Variants in CDK17 observed in about 807,000 individuals in gnomAD.
CDK17 encodes cyclin dependent kinase 17.
In CDK17, 24 loss-of-function variants were observed where a neutral mutation model predicts 77.6. That is an observed-to-expected ratio of 0.31 (90% CI 0.22 to 0.44). The LOEUF (loss-of-function observed/expected upper bound fraction) is 0.44. Among genes scored for constraint, CDK17 ranks in the 20% least tolerant of loss-of-function variants. The probability of loss-of-function intolerance (pLI) is 1.00; values close to 1 mark genes in which losing one functional copy is unlikely to be tolerated. For missense variants in CDK17, 429 were observed against 622.5 expected (o/e 0.69, Z 3.31); for synonymous variants, 203 against 210.4 (o/e 0.96, Z 0.30).
At chr12:96,322,659 T>C (rs967787626) in intron 3 of CDK17, among the ~76,000 whole-genome samples, 4 of 152,184 alleles carry the variant, frequency 2.6e-5, no homozygotes, top group African/African-American at 9.7e-5. Context: ...TACCATTATA[T>C]AGTGTTTTTG....
At chr12:96,326,451 G>A (rs980505197) in intron 2 of CDK17, among the ~76,000 whole-genome samples, 9 of 152,178 alleles carry the variant, frequency 5.9e-5, no homozygotes, top group Non-Finnish European at 8.8e-5. Context: ...ATTTTTAACA[G>A]AAATTTAAAT....
chr12:96,354,573 T>C (rs550588976), intron 1 of CDK17, among the ~76,000 whole-genome samples: 4 of 152,150 alleles, frequency 2.6e-5, no homozygotes, highest in Admixed American at 1.3e-4. Context: ...ATCTCTTTGC[T>C]TAGAATTTAA....
rs538030638 is a variant in CDK17, at chr12:96,286,156, A to T, written c.1217-8T>A. Reference sequence around the variant, plus strand: ...TTTCCTGAGATGGAGTTCCTGAATTAAAAAAAAAAATTAAATATATTTATA... The same window carrying T: ...TTTCCTGAGATGGAGTTCCTGAATTTAAAAAAAAAATTAAATATATTTATA... On this transcript the variant is annotated splice_polypyrimidine_tract_variant and splice_region_variant and intron_variant, in intron 12 of 16. Coordinates refer to ENST00000261211, the MANE Select transcript of CDK17 (RefSeq NM_002595.5). 1.8e-4 allele frequency: 133 copies of T among 742,274 alleles called. 1 individual carries two copies. The highest frequency in any genetic ancestry group is 1.4e-3 in the South Asian group (40 of 28,306). The allele number at this position is 742,274 out of a possible 1,614,324, so 46.0% of individuals were successfully genotyped here. A position where few individuals can be genotyped will look rare whatever the true frequency, so the allele number is the denominator to read the frequency against.
At chr12:96,293,041 G>A (rs1274165817) in intron 10 of CDK17, among the ~76,000 whole-genome samples, 3 of 152,018 alleles carry the variant, frequency 2.0e-5, no homozygotes, top group Non-Finnish European at 2.9e-5. Flanking sequence ...ACTGATATTT[G>A]CCACATTAGA....
At chr12:96,280,503 TCTG>T (rs901212983) in intron 16 of CDK17, 22 of 1,409,504 alleles carry the variant, frequency 1.6e-5, no homozygotes, top group Non-Finnish European at 2.0e-5. Flanking sequence ...AGATGTGTCT[TCTG>T]CCTCAGGTAC....
chr12:96,296,953 C>T (rs182367371), intron 9 of CDK17, among the ~76,000 whole-genome samples: 2 of 152,070 alleles, frequency 1.3e-5, no homozygotes, highest in Admixed American at 6.6e-5. Context: ...CAGAATGCAC[C>T]CATCATTCGT....
chr12:96,326,482 G>T (rs1279730546), intron 2 of CDK17, among the ~76,000 whole-genome samples: 1 of 152,222 alleles, frequency 6.6e-6, no homozygotes, highest in Non-Finnish European at 1.5e-5. Context: ...GCCAGTCAGG[G>T]AAGATGGTTA....
rs945494011 is a variant in CDK17 at position 96,327,377 on chromosome 12, G to T, written c.119-3265C>A. Among the ~76,000 whole-genome samples the T allele has an allele frequency of 2.0e-5, 3 of 149,048 alleles. No individual in the cohort carries two copies. In the Admixed American group the frequency reaches 2.2e-4, roughly 11 times the overall value. ...AGTACCCTAAGTAACAAATGTTGGT[G>T]GCTTAGACTAGGGTGGCTGTACTGA... is the stretch of plus-strand genomic sequence containing the variant. On this transcript the variant is annotated intron_variant, in intron 2 of 16. Coordinates refer to ENST00000261211, the MANE Select transcript of CDK17 (RefSeq NM_002595.5).
At chr12:96,374,060 C>A (rs1953739750) in intron 1 of CDK17, among the ~76,000 whole-genome samples, 2 of 152,172 alleles carry the variant, frequency 1.3e-5, no homozygotes, top group Non-Finnish European at 2.9e-5. Flanking sequence ...CCACTGTATA[C>A]TCCCAAATTA....
intron 7 of CDK17, 105 bp downstream of exon 7, chr12:96,298,764 T>TC (rs1952451750): frequency 1.7e-6 from 1 of 597,872 alleles, no homozygotes; most frequent in South Asian, 2.7e-5. Context: ...TTTAATTACA[T>TC]CTTCCAGTCA....
At chr12:96,301,241 CAAAAAAAA>C (rs376295045) in intron 5 of CDK17, among the ~76,000 whole-genome samples, 1 of 85,578 alleles carries the variant, frequency 1.2e-5, no homozygotes, top group Admixed American at 1.3e-4. Flanking sequence ...AACACTCGGC[CAAAAAAAA>C]AAAAAAAAAA....
chr12:96,301,114 G>A (rs1248390035), intron 5 of CDK17, among the ~76,000 whole-genome samples: 1 of 151,896 alleles, frequency 6.6e-6, no homozygotes, highest in Non-Finnish European at 1.5e-5. Flanking sequence ...ATTTGTTTCA[G>A]GCTTTCCAAT....
intron 1 of CDK17, 108 bp downstream of exon 1, chr12:96,399,878 G>A (rs1320230605): frequency 8.1e-6 from 2 of 248,298 alleles, no homozygotes; most frequent in Non-Finnish European, 1.5e-5. Context: ...TGAGCCACCC[G>A]CGCCCCCAGT....
chr12:96,290,709 T>C (rs1592707006), intron 10 of CDK17, among the ~76,000 whole-genome samples: 1 of 152,170 alleles, frequency 6.6e-6, no homozygotes, highest in Admixed American at 6.5e-5. Context: ...AAGTGGGTTA[T>C]AGGAAGGCAA....
intron 1 of CDK17, among the ~76,000 whole-genome samples, chr12:96,365,526 GCCTTT>G (rs1365054152): frequency 3.3e-5 from 5 of 152,082 alleles, no homozygotes; most frequent in Middle Eastern, 3.4e-3. Context: ...AACACAAAAT[GCCTTT>G]CCTTTCAATT....
intron 1 of CDK17, among the ~76,000 whole-genome samples, chr12:96,336,384 G>A (rs1232101972): frequency 6.6e-6 from 1 of 152,124 alleles, no homozygotes; most frequent in East Asian, 1.9e-4. Context: ...GGATCACTTT[G>A]AGCCCATGAA....
chr12:96,344,865 G>A (rs541145332), intron 1 of CDK17, among the ~76,000 whole-genome samples: 1 of 152,090 alleles, frequency 6.6e-6, no homozygotes, highest in South Asian at 2.1e-4. Context: ...TGTGCAAGAT[G>A]AGCAGGCTTG....
At chr12:96,388,075 G>A (rs1954005551) in intron 1 of CDK17, among the ~76,000 whole-genome samples, 1 of 152,030 alleles carries the variant, frequency 6.6e-6, no homozygotes, top group Admixed American at 6.6e-5. Flanking sequence ...TTGGAAACCA[G>A]CCTGGGCAAC....
chr12:96,312,584 T>C (rs1016016111), intron 4 of CDK17, among the ~76,000 whole-genome samples: 6 of 152,162 alleles, frequency 3.9e-5, no homozygotes, highest in African/African-American at 1.4e-4. Context: ...GAAAATATAA[T>C]CAACCAATAG....
Sources: allele counts gnomAD v4.1 joint callset (sites outside exome capture counted in the v4.1 genomes callset), GRCh38; gene constraint gnomAD v4.1.1; transcripts MANE v1.5; gene names NCBI Gene and HGNC (gene_info 2026-07-23, HGNC 2026-07-21).